Variants in CAST observed in about 807,000 individuals in gnomAD.
The protein encoded by CAST is calpastatin.
A neutral mutation model predicts 119.6 loss-of-function variants in CAST; 76 were observed. The observed-to-expected ratio is 0.64, with a 90% confidence interval of 0.53 to 0.77. The LOEUF (loss-of-function observed/expected upper bound fraction) is 0.77. Among genes scored for constraint, CAST ranks in the 30% least tolerant of loss-of-function variants. The pLI is 0.00. For missense variants in CAST, 953 were observed against 946.5 expected, an observed-to-expected ratio of 1.01 and a Z score of -0.09; for synonymous variants, 319 against 331.6, an observed-to-expected ratio of 0.96 and a Z score of 0.41.
chr5:96,110,085 A>G, the CAST span, among the ~76,000 whole-genome samples: 1 of 152,216 alleles, frequency 6.6e-6, no homozygotes, highest in Non-Finnish European at 1.5e-5. Context: ...TGACTAAGAT[A>G]CATCTCCAGT....
chr5:96,000,411 T>C, the CAST span, among the ~76,000 whole-genome samples: 1 of 152,234 alleles, frequency 6.6e-6, no homozygotes, highest in Non-Finnish European at 1.5e-5. Context: ...TTATTTACTT[T>C]TTGTATATAG....
the CAST span, among the ~76,000 whole-genome samples, chr5:96,246,275 G>T: frequency 3.4e-5 from 5 of 148,036 alleles, no homozygotes; most frequent in African/African-American, 1.2e-4. Context: ...CTCCGCCTCC[G>T]GGGTTCAGGC....
intron 1 of CAST, among the ~76,000 whole-genome samples, chr5:96,645,293 A>G (rs1748001000): frequency 6.6e-6 from 1 of 152,160 alleles, no homozygotes; most frequent in Non-Finnish European, 1.5e-5. Flanking sequence ...CCTTCTTGTC[A>G]CATTCCACAT....
chr5:96,541,488 A>C (rs1745911874), intron 1 of CAST, among the ~76,000 whole-genome samples: 2 of 152,176 alleles, frequency 1.3e-5, no homozygotes. Flanking sequence ...TTTAATTTGC[A>C]TACATGAAGG....
At chr5:96,447,292 T>C in the CAST span, among the ~76,000 whole-genome samples, 2 of 152,326 alleles carry the variant, frequency 1.3e-5, no homozygotes, top group South Asian at 2.1e-4. Flanking sequence ...AGAGCACCAG[T>C]GGACTTGAGG....
At chr5:96,250,079 C>T in the CAST span, among the ~76,000 whole-genome samples, 1 of 152,242 alleles carries the variant, frequency 6.6e-6, no homozygotes, top group South Asian at 2.1e-4. Flanking sequence ...TTCTCCATTC[C>T]CTTCACTTCC....
the CAST span, among the ~76,000 whole-genome samples, chr5:96,189,591 G>A: frequency 6.6e-6 from 1 of 151,910 alleles, no homozygotes; most frequent in African/African-American, 2.4e-5. Flanking sequence ...TATTTTCTCT[G>A]TTTGCTTTCT....
intron 1 of CAST, among the ~76,000 whole-genome samples, chr5:96,563,145 C>G (rs1746410668): frequency 6.6e-6 from 1 of 152,176 alleles, no homozygotes; most frequent in African/African-American, 2.4e-5. Context: ...GCCATTAGAT[C>G]ATACTCTTTT....
chr5:96,468,846 G>C, the CAST span, among the ~76,000 whole-genome samples: 2 of 152,012 alleles, frequency 1.3e-5, no homozygotes, highest in African/African-American at 4.8e-5. Context: ...GTAGAAAAAT[G>C]TATCTTTCCA....
chr5:95,995,952 C>T, the CAST span, among the ~76,000 whole-genome samples: 2 of 152,120 alleles, frequency 1.3e-5, no homozygotes, highest in East Asian at 1.9e-4. Context: ...CGTAGTAACT[C>T]GAATAGTCTA....
chr5:96,465,335 C>A, the CAST span, among the ~76,000 whole-genome samples: 1 of 151,828 alleles, frequency 6.6e-6, no homozygotes, highest in Non-Finnish European at 1.5e-5. Context: ...TATACAAAAC[C>A]ATACATGTAC....
At chr5:96,627,226 A>G (rs913062692) in intron 1 of CAST, among the ~76,000 whole-genome samples, 3 of 152,202 alleles carry the variant, frequency 2.0e-5, no homozygotes, top group Admixed American at 2.0e-4. Context: ...CGTACCTCTT[A>G]GCACACATTT....
the CAST span, among the ~76,000 whole-genome samples, chr5:96,333,494 T>C: frequency 1.3e-5 from 2 of 152,072 alleles, no homozygotes; most frequent in East Asian, 1.9e-4. Context: ...CCTTCTCACC[T>C]TTTTTTTCTT....
At position 96,686,665 on chromosome 5, in the gene CAST, A is replaced by G. The variant is rs183827767; in HGVS notation, c.139-9171A>G. On this transcript the variant is annotated intron_variant, in intron 2 of 31. Transcript: ENST00000675179. ...TTGAGAGGGTGCTGAGTATGTGGAGATTCTGCATGGTAGATTCTTCTTCCA... is the reference window on the plus strand; with the variant it reads ...TTGAGAGGGTGCTGAGTATGTGGAGGTTCTGCATGGTAGATTCTTCTTCCA... 7.9e-5 allele frequency among the ~76,000 whole-genome samples: 12 copies of G among 152,318 alleles called. No homozygotes were observed. The East Asian group carries it at 2.1e-3, about 27-fold the overall frequency.
the CAST span, among the ~76,000 whole-genome samples, chr5:96,172,875 T>C: frequency 6.6e-6 from 1 of 152,244 alleles, no homozygotes; most frequent in Non-Finnish European, 1.5e-5. Flanking sequence ...CCACCATTTC[T>C]GGACACAGAT....
the CAST span, among the ~76,000 whole-genome samples, chr5:96,436,517 T>C: frequency 6.6e-6 from 1 of 152,208 alleles, no homozygotes; most frequent in Non-Finnish European, 1.5e-5. Context: ...AACATTTTAA[T>C]GACAAATGAT....
At chr5:96,344,132 G>A in the CAST span, among the ~76,000 whole-genome samples, 1 of 152,170 alleles carries the variant, frequency 6.6e-6, no homozygotes, top group Non-Finnish European at 1.5e-5. Flanking sequence ...TACATTTTGG[G>A]TGTGTAGGAA....
chr5:96,705,524 G>A (rs1032128277), intron 3 of CAST, among the ~76,000 whole-genome samples: 1 of 151,986 alleles, frequency 6.6e-6, no homozygotes, highest in Admixed American at 6.5e-5. Context: ...CCGTTAGCAA[G>A]GTGACATTGT....
At chr5:96,346,812 T>C in the CAST span, among the ~76,000 whole-genome samples, 3 of 152,154 alleles carry the variant, frequency 2.0e-5, no homozygotes, top group Non-Finnish European at 2.9e-5. Flanking sequence ...CCTGGTCTGA[T>C]GCAATATTAT....
Sources: gnomAD v4.1 joint callset for allele counts (sites outside exome capture counted in the v4.1 genomes callset) on GRCh38, gnomAD v4.1.1 for gene constraint, MANE v1.5 for transcripts, NCBI Gene and HGNC (gene_info 2026-07-23, HGNC 2026-07-21) for gene names.